The following H1-4 variants were observed in gnomAD, a reference collection of about 807,000 sequenced individuals.
The protein encoded by H1-4 is H1.4 linker histone, cluster member, also known as histone H1.4.
A neutral mutation model predicts 7.2 loss-of-function variants in H1-4; 9 were observed. That is an observed-to-expected ratio of 1.25 (90% CI 0.75 to 2.18). The LOEUF is 2.18. H1-4 is among the 30% of genes most tolerant of loss of function. H1-4 has a pLI of 0.00. For synonymous variants in H1-4, 318 were observed against 126.6 expected (o/e 2.51, Z -10.15); for missense variants, 646 against 287.9 (o/e 2.24, Z -9.00).
chr6:26,156,845 A>G lies in H1-4; in HGVS notation c.455A>G (p.Lys152Arg), dbSNP rs2298090. ...TGAATPKKSA[K>R]KTPKKAKKPA... ...GCGGCCACCCCCAAGAAGAGCGCCA[A>G]GAAGACCCCAAAGAAGGCGAAGAAG... Residue 152 changes from lysine (K) to arginine (R), a missense_variant, in exon 1 of 1, where the codon AAG becomes AGG. By Grantham distance (26) the Lys-to-Arg change is conservative. Coordinates refer to ENST00000304218, the MANE Select transcript of H1-4 (RefSeq NM_005321.3). The G allele has an allele frequency of 9.1e-3, 14,603 of 1,607,174 alleles. 106 individuals are homozygous for G. The highest frequency in any genetic ancestry group is 0.02 in the East Asian group (908 of 44,630).
chr6:26,156,371 C>A lies in H1-4; in HGVS notation c.-20C>A, dbSNP rs2298089. On this transcript the variant is annotated 5_prime_UTR_variant, in exon 1 of 1. Transcript: ENST00000304218. ...CTCTGCTTCCGGCTCGAATTGCTCT[C>A]GCTCACGCTTGCCTTCAACATGTCC... 511 of 1,533,324 alleles carry A rather than the reference C, an allele frequency of 3.3e-4. 3 individuals carry two copies. The East Asian group carries it at 0.011, about 34-fold the overall frequency. 95.0% of individuals were successfully genotyped at this position (1,533,324 alleles called of 1,614,324 possible). A position where few individuals can be genotyped will look rare whatever the true frequency, so the allele number is the denominator to read the frequency against.
rs367955399 is a variant in H1-4, at chr6:26,157,067, A to C, written c.*17A>C. The C allele has an allele frequency of 3.7e-4, 581 of 1,576,086 alleles. 6 individuals carry two copies. The South Asian group carries it at 6.0e-3, about 16-fold the overall frequency. On this transcript the variant is annotated 3_prime_UTR_variant, in exon 1 of 1. Coordinates refer to ENST00000304218, the MANE Select transcript of H1-4 (RefSeq NM_005321.3). ...AAAAAGTAGAAAGTTCCTTTGGCCAACTGCTTAGAAGCCCAACACAACCCA... is the reference window on the plus strand; with the variant it reads ...AAAAAGTAGAAAGTTCCTTTGGCCACCTGCTTAGAAGCCCAACACAACCCA...
rs1206276730 is a variant in H1-4, at chr6:26,156,795, GAAGAAGCCC to G, written c.412_420del (p.Pro138_Lys140del). The G allele has an allele frequency of 6.2e-7, 1 of 1,611,118 alleles. No homozygotes were observed. Among genetic ancestry groups the G allele is most frequent in the Non-Finnish European group, 8.5e-7 (1 of 1,178,656 alleles). On this transcript the variant is annotated inframe_deletion, in exon 1 of 1. Coordinates refer to ENST00000304218, the MANE Select transcript of H1-4 (RefSeq NM_005321.3). ...AGGCCAAGAAGCCAGCAGGAGCGGCGAAGAAGCCCAAGAAGGCGACGGGGGCGGCCACCC... is the reference window on the plus strand; with the variant it reads ...AGGCCAAGAAGCCAGCAGGAGCGGCGAAGAAGGCGACGGGGGCGGCCACCC...
chr6:26,156,366 G>C lies in H1-4; in HGVS notation c.-25G>C, dbSNP rs761301955. ...AGTGCCTCTGCTTCCGGCTCGAATT[G>C]CTCTCGCTCACGCTTGCCTTCAACA... On this transcript the variant is annotated 5_prime_UTR_variant, in exon 1 of 1. Coordinates refer to ENST00000304218, the MANE Select transcript of H1-4 (RefSeq NM_005321.3). 2 of 1,525,362 alleles carry C rather than the reference G, an allele frequency of 1.3e-6. No homozygotes were observed. The highest frequency in any genetic ancestry group is 8.8e-7 in the Non-Finnish European group (1 of 1,141,602). The allele number at this position is 1,525,362 out of a possible 1,614,324, so 94.5% of individuals were successfully genotyped here.
Position 26,156,732 on chromosome 6 carries a change from G to A in H1-4, c.342G>A (p.Gly114=). The A allele has an allele frequency of 6.2e-7, 1 of 1,614,118 alleles. No individual in the cohort carries two copies. The highest frequency in any genetic ancestry group is 8.5e-7 in the Non-Finnish European group (1 of 1,180,016). The change falls in exon 1 of 1, where the codon GGG becomes GGA. Residue 114 remains glycine (G), a synonymous_variant. Coordinates refer to ENST00000304218, the MANE Select transcript of H1-4 (RefSeq NM_005321.3). Reference sequence around the variant, plus strand: ...AACTCAACAAGAAGGCGGCCTCTGGGGAAGCCAAGCCTAAGGCTAAAAAGG... The same window carrying A: ...AACTCAACAAGAAGGCGGCCTCTGGAGAAGCCAAGCCTAAGGCTAAAAAGG... ...SFKLNKKAAS[G]EAKPKAKKAG...
At position 26,156,921 on chromosome 6, in the gene H1-4, A is replaced by G; in HGVS notation, c.531A>G (p.Lys177=). The part of the protein sequence containing the change: ...AKKAKSPKKA[K]AAKPKKAPKS... ...AAGCGAAAAGCCCGAAAAAGGCGAA[A>G]GCAGCCAAGCCAAAAAAGGCGCCCA... Residue 177 remains lysine, a synonymous_variant, in exon 1 of 1, where the codon AAA becomes AAG. Coordinates refer to ENST00000304218, the MANE Select transcript of H1-4 (RefSeq NM_005321.3). 1.2e-6 allele frequency: 2 copies of G among 1,611,322 alleles called. No individual in the cohort carries two copies. Among genetic ancestry groups the G allele is most frequent in the East Asian group, 2.2e-5 (1 of 44,850 alleles).
At position 26,156,749 on chromosome 6, in the gene H1-4, C is replaced by T. The variant is rs770582429; in HGVS notation, c.359C>T (p.Ala120Val). 5 of 1,613,788 alleles carry T rather than the reference C, an allele frequency of 3.1e-6. No homozygotes were observed. Among genetic ancestry groups the T allele is most frequent in the African/African-American group, 1.3e-5 (1 of 74,890 alleles). Reference sequence around the variant, plus strand: ...GCCTCTGGGGAAGCCAAGCCTAAGGCTAAAAAGGCAGGCGCGGCCAAGGCC... The same window carrying T: ...GCCTCTGGGGAAGCCAAGCCTAAGGTTAAAAAGGCAGGCGCGGCCAAGGCC... Reference protein sequence around the residue: ...KAASGEAKPKAKKAGAAKAKK... With the variant: ...KAASGEAKPKVKKAGAAKAKK... Residue 120 changes from alanine (A) to valine (V), a missense_variant, in exon 1 of 1, where the codon GCT becomes GTT. Coordinates refer to ENST00000304218, the MANE Select transcript of H1-4 (RefSeq NM_005321.3).
rs1215986258 is a variant in H1-4 at position 26,156,395 on chromosome 6, C to A, written c.5C>A (p.Ser2Tyr). ...TCGCTCACGCTTGCCTTCAACATGT[C>A]CGAGACTGCGCCTGCCGCGCCCGCT... M[S>Y]ETAPAAPAAP... The change falls in exon 1 of 1, where the codon TCC (serine) becomes TAC (tyrosine). Residue 2 changes from serine to tyrosine, a missense_variant. Ser to Tyr is a moderately radical substitution (Grantham distance 144, BLOSUM62 -2). Coordinates refer to ENST00000304218, the MANE Select transcript of H1-4 (RefSeq NM_005321.3). 1 of 1,579,344 alleles carries A rather than the reference C, an allele frequency of 6.3e-7. No homozygotes were observed. The highest frequency in any genetic ancestry group is 8.6e-7 in the Non-Finnish European group (1 of 1,163,026).
rs980627455 is a variant in H1-4, at chr6:26,156,531, T to G, written c.141T>G (p.Ala47=). Reference sequence around the variant, plus strand: ...CGGTGTCCGAGCTCATTACTAAAGCTGTTGCCGCCTCCAAGGAGCGCAGCG... The same window carrying G: ...CGGTGTCCGAGCTCATTACTAAAGCGGTTGCCGCCTCCAAGGAGCGCAGCG... ...GPPVSELITK[A]VAASKERSGV... The change falls in exon 1 of 1, where the codon GCT becomes GCG. Residue 47 remains alanine, a synonymous_variant. Transcript: ENST00000304218. 1 of 1,614,036 alleles carries G rather than the reference T, an allele frequency of 6.2e-7. No homozygotes were observed. Among genetic ancestry groups the G allele is most frequent in the Non-Finnish European group, 8.5e-7 (1 of 1,179,980 alleles).
In H1-4 at chr6:26,156,666, C is replaced by T. The variant is rs201585202; in HGVS notation, c.276C>T (p.Thr92=). 2.5e-5 allele frequency: 41 copies of T among 1,614,060 alleles called. No homozygotes were observed. Among genetic ancestry groups the T allele is most frequent in the South Asian group, 2.1e-4 (19 of 91,084 alleles). The change falls in exon 1 of 1, where the codon ACC becomes ACT. Residue 92 remains threonine (T), a synonymous_variant. Transcript: ENST00000304218. ...TCAAGAGCCTGGTGAGCAAGGGCAC[C>T]CTGGTGCAGACCAAGGGCACCGGCG... ...LGLKSLVSKG[T]LVQTKGTGAS...
rs1399451715 is a variant in H1-4 at position 26,156,916 on chromosome 6, G to C, written c.526G>C (p.Ala176Pro). The C allele has an allele frequency of 1.2e-6, 2 of 1,610,934 alleles. No individual in the cohort carries two copies. Among genetic ancestry groups the C allele is most frequent in the African/African-American group, 2.7e-5 (2 of 74,818 alleles). ...CAAAAAAGCGAAAAGCCCGAAAAAG[G>C]CGAAAGCAGCCAAGCCAAAAAAGGC... ...GAKKAKSPKKAKAAKPKKAPK... is the reference protein window; with the variant it reads ...GAKKAKSPKKPKAAKPKKAPK... The change falls in exon 1 of 1, where the codon GCG becomes CCG. Residue 176 changes from alanine to proline, a missense_variant. Ala to Pro is a conservative substitution (Grantham distance 27, BLOSUM62 -1). Transcript: ENST00000304218.
At position 26,156,459 on chromosome 6, in the gene H1-4, G is replaced by T; in HGVS notation, c.69G>T (p.Lys23Asn). 6.2e-7 allele frequency: 1 copy of T among 1,612,256 alleles called. No individual in the cohort carries two copies. Among genetic ancestry groups the T allele is most frequent in the Non-Finnish European group, 8.5e-7 (1 of 1,179,364 alleles). The change falls in exon 1 of 1, where the codon AAG (lysine) becomes AAT (asparagine). Residue 23 changes from lysine to asparagine, a missense_variant. Coordinates refer to ENST00000304218, the MANE Select transcript of H1-4 (RefSeq NM_005321.3). Reference protein sequence around the residue: ...APAEKTPVKKKARKSAGAAKR... With the variant: ...APAEKTPVKKNARKSAGAAKR... ...CCGAGAAGACTCCCGTGAAGAAGAA[G>T]GCCCGCAAGTCTGCAGGTGCGGCCA...
In H1-4 at chr6:26,156,376, A is replaced by C. The variant is rs1480887082; in HGVS notation, c.-15A>C. 3.2e-6 allele frequency: 5 copies of C among 1,538,668 alleles called. No individual in the cohort carries two copies. Among genetic ancestry groups the C allele is most frequent in the Non-Finnish European group, 4.4e-6 (5 of 1,147,330 alleles). Reference sequence around the variant, plus strand: ...CTTCCGGCTCGAATTGCTCTCGCTCACGCTTGCCTTCAACATGTCCGAGAC... The same window carrying C: ...CTTCCGGCTCGAATTGCTCTCGCTCCCGCTTGCCTTCAACATGTCCGAGAC... On this transcript the variant is annotated 5_prime_UTR_variant, in exon 1 of 1. Coordinates refer to ENST00000304218, the MANE Select transcript of H1-4 (RefSeq NM_005321.3).
At position 26,156,667 on chromosome 6, in the gene H1-4, C is replaced by G. The variant is rs1160635714; in HGVS notation, c.277C>G (p.Leu93Val). Residue 93 changes from leucine to valine, a missense_variant, in exon 1 of 1, where the codon CTG becomes GTG. Transcript: ENST00000304218. ...GLKSLVSKGT[L>V]VQTKGTGASG... ...CAAGAGCCTGGTGAGCAAGGGCACCCTGGTGCAGACCAAGGGCACCGGCGC... is the reference window on the plus strand; with the variant it reads ...CAAGAGCCTGGTGAGCAAGGGCACCGTGGTGCAGACCAAGGGCACCGGCGC... The G allele has an allele frequency of 6.2e-7, 1 of 1,614,088 alleles. No homozygotes were observed. Among genetic ancestry groups the G allele is most frequent in the Non-Finnish European group, 8.5e-7 (1 of 1,180,020 alleles).
In H1-4 at chr6:26,156,892, A is replaced by T; in HGVS notation, c.502A>T (p.Lys168Ter). 1 of 1,608,708 alleles carries T rather than the reference A, an allele frequency of 6.2e-7. No individual in the cohort carries two copies. The highest frequency in any genetic ancestry group is 8.5e-7 in the Non-Finnish European group (1 of 1,178,242). ...GAAGCCGGCTGCAGCTGCTGGAGCCAAAAAAGCGAAAAGCCCGAAAAAGGC... is the reference window on the plus strand; with the variant it reads ...GAAGCCGGCTGCAGCTGCTGGAGCCTAAAAAGCGAAAAGCCCGAAAAAGGC... ...AKKPAAAAGA[K>*]KAKSPKKAKA... The change falls in exon 1 of 1, where the codon AAA (lysine) becomes TAA (stop). Residue 168 changes from lysine to a stop codon, truncating the protein, a stop_gained. Transcript: ENST00000304218. LOFTEE classifies it high-confidence loss of function.
In H1-4 at chr6:26,156,551, G is replaced by A. The variant is rs2113826067; in HGVS notation, c.161G>A (p.Arg54His). 5 of 1,614,110 alleles carry A rather than the reference G, an allele frequency of 3.1e-6. No homozygotes were observed. The highest frequency in any genetic ancestry group is 4.2e-6 in the Non-Finnish European group (5 of 1,180,004). Residue 54 changes from arginine (R) to histidine (H), a missense_variant, in exon 1 of 1, where the codon CGC (arginine) becomes CAC (histidine). Physicochemically the swap from Arg to His is conservative, Grantham distance 29. Transcript: ENST00000304218. Reference protein sequence around the residue: ...ITKAVAASKERSGVSLAALKK... With the variant: ...ITKAVAASKEHSGVSLAALKK... ...AAAGCTGTTGCCGCCTCCAAGGAGC[G>A]CAGCGGCGTATCTTTGGCCGCTCTC...
rs1272559668 is a variant in H1-4 at position 26,156,995 on chromosome 6, A to G, written c.605A>G (p.Lys202Arg). The G allele has an allele frequency of 6.2e-7, 1 of 1,604,346 alleles. No individual in the cohort carries two copies. The highest frequency in any genetic ancestry group is 8.5e-7 in the Non-Finnish European group (1 of 1,177,770). The change falls in exon 1 of 1, where the codon AAG (lysine) becomes AGG (arginine). Residue 202 changes from lysine to arginine, a missense_variant. Coordinates refer to ENST00000304218, the MANE Select transcript of H1-4 (RefSeq NM_005321.3). ...KAVKPKAAKP[K>R]TAKPKAAKPK... ...GTTAAACCCAAGGCGGCTAAACCAA[A>G]GACCGCCAAGCCCAAGGCAGCCAAG...
rs202237797 is a variant in H1-4, at chr6:26,156,742, C to G, written c.352C>G (p.Pro118Ala). The change falls in exon 1 of 1, where the codon CCT becomes GCT. Residue 118 changes from proline to alanine, a missense_variant. Coordinates refer to ENST00000304218, the MANE Select transcript of H1-4 (RefSeq NM_005321.3). ...GAAGGCGGCCTCTGGGGAAGCCAAG[C>G]CTAAGGCTAAAAAGGCAGGCGCGGC... is the stretch of plus-strand genomic sequence containing the variant. ...NKKAASGEAKPKAKKAGAAKA... is the reference protein window; with the variant it reads ...NKKAASGEAKAKAKKAGAAKA... 4.3e-6 allele frequency: 7 copies of G among 1,613,970 alleles called. No individual in the cohort carries two copies. The highest frequency in any genetic ancestry group is 1.3e-5 in the African/African-American group (1 of 75,002).
chr6:26,156,529 G>T lies in H1-4; in HGVS notation c.139G>T (p.Ala47Ser). 1 of 1,614,050 alleles carries T rather than the reference G, an allele frequency of 6.2e-7. No individual in the cohort carries two copies. Among genetic ancestry groups the T allele is most frequent in the East Asian group, 2.2e-5 (1 of 44,866 alleles). ...CCCGGTGTCCGAGCTCATTACTAAA[G>T]CTGTTGCCGCCTCCAAGGAGCGCAG... is the stretch of plus-strand genomic sequence containing the variant. ...GPPVSELITK[A>S]VAASKERSGV... Residue 47 changes from alanine to serine, a missense_variant, in exon 1 of 1, where the codon GCT becomes TCT. Physicochemically the swap from Ala to Ser is moderately conservative, Grantham distance 99 (BLOSUM62 1). Transcript: ENST00000304218.
Sources: allele counts gnomAD v4.1 joint callset, GRCh38; gene constraint gnomAD v4.1.1; transcripts MANE v1.5; gene names NCBI Gene and HGNC (gene_info 2026-07-23, HGNC 2026-07-21).